CCDC93: variants seen among roughly 807,000 people sequenced by gnomAD.
The protein encoded by CCDC93 is coiled-coil domain-containing protein 93.
Under a neutral mutation model 108.2 loss-of-function variants are expected in CCDC93, and 61 were observed. That is an observed-to-expected ratio of 0.56 (90% CI 0.46 to 0.70). The LOEUF (loss-of-function observed/expected upper bound fraction) is 0.70. Among genes scored for constraint, CCDC93 ranks in the 30% least tolerant of loss-of-function variants. CCDC93 has a pLI of 0.00. For missense variants in CCDC93, 685 were observed against 764.2 expected, an observed-to-expected ratio of 0.90 and a Z score of 1.22; for synonymous variants, 276 against 260.4, an observed-to-expected ratio of 1.06 and a Z score of -0.58.
chr2:117,943,869 C>T (rs1430129724), intron 18 of CCDC93, among the ~76,000 whole-genome samples, 155 bp downstream of exon 18: 1 of 152,248 alleles, frequency 6.6e-6, no homozygotes, highest in Non-Finnish European at 1.5e-5. Flanking sequence ...TCTTAAATCA[C>T]TGAGTTACAC....
intron 1 of CCDC93, chr2:118,009,022 T>G (rs6738119): frequency 9.9e-5 from 17 of 171,192 alleles, no homozygotes; most frequent in Admixed American, 4.7e-4. Flanking sequence ...AAATGGATTA[T>G]GACTCCTTAC....
chr2:117,936,945 C>T, intron 20 of CCDC93: 2 of 564,722 alleles, frequency 3.5e-6, no homozygotes, highest in Admixed American at 2.9e-5. Flanking sequence ...CTTCTTCTCA[C>T]AGAAAATTCC....
intron 8 of CCDC93, among the ~76,000 whole-genome samples, 195 bp from the exon 9 acceptor site, chr2:117,975,475 G>A (rs74549216): frequency 0.069 from 10,461 of 152,276 alleles, 509 homozygotes; most frequent in Admixed American, 0.11. Context: ...TCAGGAACTG[G>A]CAAATGCCTG....
chr2:117,943,808 G>A (rs890823168), intron 18 of CCDC93, among the ~76,000 whole-genome samples: 7 of 152,198 alleles, frequency 4.6e-5, no homozygotes, highest in Admixed American at 4.6e-4. Flanking sequence ...TTAACTCAAA[G>A]GAGTGGTTGT....
At chr2:117,964,240 A>G (rs945521737) in intron 11 of CCDC93, among the ~76,000 whole-genome samples, 45 of 152,096 alleles carry the variant, frequency 3.0e-4, no homozygotes, top group African/African-American at 1.0e-3. Context: ...AAAGACAAAG[A>G]CTGTACCTCT....
rs1021184740 is a variant in CCDC93 at position 118,013,838 on chromosome 2, T to C, written c.42+116A>G. 7.7e-5 allele frequency: 71 copies of C among 919,018 alleles called. No homozygotes were observed. The African/African-American group carries it at 1.0e-3, about 13-fold the overall frequency. The allele number at this position is 919,018 out of a possible 1,614,324, so 56.9% of individuals were successfully genotyped here. A position where few individuals can be genotyped will look rare whatever the true frequency, so the allele number is the denominator to read the frequency against. ...GGCGCTTCCCTGAGGTGGATACGCC[T>C]GAGGAAGGGGGCGGGGCGCCCCTAA... On this transcript the variant is annotated intron_variant, in intron 1 of 23. Coordinates refer to ENST00000376300, the MANE Select transcript of CCDC93 (RefSeq NM_019044.5).
At chr2:117,935,216 C>A (rs1445932624) in intron 22 of CCDC93, among the ~76,000 whole-genome samples, 2 of 152,148 alleles carry the variant, frequency 1.3e-5, no homozygotes, top group Non-Finnish European at 2.9e-5. Flanking sequence ...CTTCAGAGGT[C>A]TTTTAGGAAT....
chr2:117,932,090 G>C (rs146919039), intron 22 of CCDC93, among the ~76,000 whole-genome samples: 2 of 152,152 alleles, frequency 1.3e-5, no homozygotes, highest in Non-Finnish European at 2.9e-5. Context: ...TCCTCAGCCT[G>C]GAAGCTCAGA....
In CCDC93 at chr2:117,949,331, G is replaced by A. The variant is rs1282918254; in HGVS notation, c.1133C>T (p.Ala378Val). 1 of 1,612,082 alleles carries A rather than the reference G, an allele frequency of 6.2e-7. No homozygotes were observed. The highest frequency in any genetic ancestry group is 2.2e-5 in the East Asian group (1 of 44,882). ...TGCTGAAACCTCTTACCTTGGATCA[G>A]CTTTGGATTCTATCTTCTCGAGGGC... ...QAALEKIESK[A>V]DPSILQNLRA... Residue 378 changes from alanine to valine, a missense_variant, in exon 14 of 24, where the codon GCT becomes GTT. Coordinates refer to ENST00000376300, the MANE Select transcript of CCDC93 (RefSeq NM_019044.5).
chr2:118,005,262 C>T (rs1392853452), intron 3 of CCDC93, among the ~76,000 whole-genome samples: 3 of 152,014 alleles, frequency 2.0e-5, no homozygotes, highest in African/African-American at 4.8e-5. Flanking sequence ...CAGGGCCTAA[C>T]GACCACTGGA....
chr2:118,001,509 A>G (rs1452406244), intron 3 of CCDC93, among the ~76,000 whole-genome samples: 15 of 151,726 alleles, frequency 9.9e-5, no homozygotes, highest in Admixed American at 9.8e-4. Context: ...AATAAATTCT[A>G]GAGTTGAAGG....
At chr2:117,928,374 C>A (rs981450984) in intron 23 of CCDC93, among the ~76,000 whole-genome samples, 1 of 151,578 alleles carries the variant, frequency 6.6e-6, no homozygotes, top group Non-Finnish European at 1.5e-5. Context: ...TGACAAAGGG[C>A]TAATATCCAG....
intron 12 of CCDC93, among the ~76,000 whole-genome samples, chr2:117,955,672 C>T (rs1454775974): frequency 6.6e-6 from 1 of 152,076 alleles, no homozygotes; most frequent in Non-Finnish European, 1.5e-5. Flanking sequence ...ATAACAGTAC[C>T]TCCCATTCAT....
chr2:117,973,846 G>T, intron 11 of CCDC93, 62 bp downstream of exon 11: 2 of 1,280,272 alleles, frequency 1.6e-6, no homozygotes, highest in Non-Finnish European at 2.2e-6. Context: ...GGGTAAGGAA[G>T]TGGGAGAACA....
intron 21 of CCDC93, chr2:117,935,859 T>G (rs1678504676): frequency 3.4e-6 from 1 of 292,536 alleles, no homozygotes; most frequent in Admixed American, 5.0e-5. Flanking sequence ...TTTCTTGCAG[T>G]AAAATGTGAC....
intron 23 of CCDC93, among the ~76,000 whole-genome samples, chr2:117,928,086 G>C (rs182000011): frequency 0.064 from 8,208 of 128,544 alleles, 290 homozygotes; most frequent in Non-Finnish European, 0.095. Flanking sequence ...GGATCCCTTC[G>C]TTACACCTTA....
At chr2:117,981,336 G>C (rs1205239568) in intron 7 of CCDC93, among the ~76,000 whole-genome samples, 1 of 152,156 alleles carries the variant, frequency 6.6e-6, no homozygotes, top group Non-Finnish European at 1.5e-5. Flanking sequence ...ATGTCACAAA[G>C]TAGTGAGATT....
intron 14 of CCDC93, 29 bp from the exon 15 acceptor site, chr2:117,948,215 A>C (rs970777827): frequency 6.6e-7 from 1 of 1,511,210 alleles, no homozygotes; most frequent in Non-Finnish European, 9.2e-7. Context: ...AAAATGACAT[A>C]TGGCAGGCCA....
Position 117,951,554 on chromosome 2 carries a change from G to A in CCDC93, c.1068+819C>T, listed in dbSNP as rs1027472634. 1.5e-5 allele frequency: 15 copies of A among 999,062 alleles called. No homozygotes were observed. In the South Asian group the frequency reaches 2.3e-4, roughly 16 times the overall value. 61.9% of individuals were successfully genotyped at this position (999,062 alleles called of 1,614,324 possible). A position where few individuals can be genotyped will look rare whatever the true frequency, so the allele number is the denominator to read the frequency against. ...AAAGTAGGGATACTGGGTTGGTTTC[G>A]GAGACGTCTTTGAAGATCCTAGCTT... On this transcript the variant is annotated intron_variant, in intron 13 of 23. Coordinates refer to ENST00000376300, the MANE Select transcript of CCDC93 (RefSeq NM_019044.5).
Sources: allele counts gnomAD v4.1 joint callset (sites outside exome capture counted in the v4.1 genomes callset), GRCh38; gene constraint gnomAD v4.1.1; transcripts MANE v1.5; gene names NCBI Gene and HGNC (gene_info 2026-07-23, HGNC 2026-07-21).